Variants in INTS7 observed in about 807,000 individuals in gnomAD.
INTS7 encodes chromosome 1 open reading frame 73.
A neutral mutation model predicts 109.2 loss-of-function variants in INTS7; 46 were observed. That is an observed-to-expected ratio of 0.42 (90% confidence interval 0.33 to 0.54). INTS7 has a LOEUF of 0.54. INTS7 is among the 20% of genes least tolerant of loss of function. The pLI is 0.07. For synonymous variants in INTS7, 412 were observed against 402.9 expected, an observed-to-expected ratio of 1.02 and a Z score of -0.27; for missense variants, 929 against 1,132.4, an observed-to-expected ratio of 0.82 and a Z score of 2.58.
intron 7 of INTS7, among the ~76,000 whole-genome samples, chr1:212,004,309 T>A (rs1665806796): frequency 6.6e-6 from 1 of 152,080 alleles, no homozygotes; most frequent in Admixed American, 6.6e-5. Flanking sequence ...ACCACTGCAC[T>A]CCAGCCTGGG....
At position 212,035,261 on chromosome 1, in the gene INTS7, G is replaced by A. The variant is rs1034939754; in HGVS notation, c.94+83C>T. On this transcript the variant is annotated intron_variant, in intron 1 of 19. Transcript: ENST00000366994. Reference sequence around the variant, plus strand: ...CGAAGACATGCGCATGCGCCTATCCGTCTTCTCCCAAAGCAACCACCACCT... The same window carrying A: ...CGAAGACATGCGCATGCGCCTATCCATCTTCTCCCAAAGCAACCACCACCT... 12 of 932,640 alleles carry A rather than the reference G, an allele frequency of 1.3e-5. No homozygotes were observed. The Admixed American group carries it at 1.6e-4, about 13-fold the overall frequency. 57.8% of individuals were successfully genotyped at this position (932,640 alleles called of 1,614,324 possible).
At chr1:211,947,793 T>C (rs1389853860) in intron 17 of INTS7, among the ~76,000 whole-genome samples, 2 of 152,110 alleles carry the variant, frequency 1.3e-5, no homozygotes, top group Admixed American at 6.6e-5. Flanking sequence ...TAGAGGGAAA[T>C]TGACATTGTG....
At chr1:211,972,965 T>A (rs1038252078) in intron 13 of INTS7, among the ~76,000 whole-genome samples, 2 of 152,220 alleles carry the variant, frequency 1.3e-5, no homozygotes, top group Non-Finnish European at 2.9e-5. Context: ...CTACTACTGC[T>A]ACTTCTCTTT....
chr1:212,015,710 T>TAAAAAAAAAAAAA, intron 4 of INTS7, among the ~76,000 whole-genome samples: 2 of 34,978 alleles, frequency 5.7e-5, no homozygotes, highest in Non-Finnish European at 9.8e-5. Flanking sequence ...CAATAAATAC[T>TAAAAAAAAAAAAA]AAAAAAAAAA....
chr1:212,033,911 C>A (rs1208920906), intron 1 of INTS7, among the ~76,000 whole-genome samples: 1 of 151,912 alleles, frequency 6.6e-6, no homozygotes, highest in Non-Finnish European at 1.5e-5. Context: ...GGTGAAACCC[C>A]GTCTATACTA....
intron 1 of INTS7, among the ~76,000 whole-genome samples, chr1:212,032,633 C>A (rs535608090): frequency 1.3e-5 from 2 of 152,034 alleles, no homozygotes; most frequent in Non-Finnish European, 2.9e-5. Context: ...CCCACCACCA[C>A]GCCTGGCTAA....
intron 7 of INTS7, among the ~76,000 whole-genome samples, chr1:212,005,072 G>A (rs952005890): frequency 6.6e-6 from 1 of 152,112 alleles, no homozygotes; most frequent in Non-Finnish European, 1.5e-5. Flanking sequence ...TGTGAACTGG[G>A]AGACAAACAG....
Position 212,026,686 on chromosome 1 carries a change from G to T in INTS7, c.95-5474C>A, listed in dbSNP as rs1300425445. On this transcript the variant is annotated intron_variant, in intron 1 of 19. Coordinates refer to ENST00000366994, the MANE Select transcript of INTS7 (RefSeq NM_015434.4). ...AGAAGGAACAGAGATGTGTGCTTACGTATATGTGTTGGCAAAGGGGTTGAA... is the reference window on the plus strand; with the variant it reads ...AGAAGGAACAGAGATGTGTGCTTACTTATATGTGTTGGCAAAGGGGTTGAA... Among the ~76,000 whole-genome samples, 2 of 152,170 alleles carry T rather than the reference G, an allele frequency of 1.3e-5. 1 individual carries two copies. Among genetic ancestry groups the T allele is most frequent in the Admixed American group, 1.3e-4 (2 of 15,286 alleles).
rs1463878210 is a variant in INTS7 at position 211,946,326 on chromosome 1, T to TA, written c.2415+280dup. ...GGTGAAACCCCATCTTTACCAAAAA[T>TA]AAAAAAATCAGCTGCGTGAGGTGGT... On this transcript the variant is annotated intron_variant, in intron 18 of 19. Transcript: ENST00000366994. The surrounding 1 kb of genome is among the most constrained non-coding windows in gnomAD (Gnocchi z 4.3). Among the ~76,000 whole-genome samples, 3 of 151,730 alleles carry TA rather than the reference T, an allele frequency of 2.0e-5. No homozygotes were observed. The highest frequency in any genetic ancestry group is 2.1e-4 in the South Asian group (1 of 4,802).
chr1:212,013,856 T>G (rs1466984053), intron 4 of INTS7, among the ~76,000 whole-genome samples: 1 of 152,204 alleles, frequency 6.6e-6, no homozygotes, highest in Non-Finnish European at 1.5e-5. Flanking sequence ...TTATACCATC[T>G]AGATTTGTGT....
Position 212,035,324 on chromosome 1 carries a change from C to T in INTS7, c.94+20G>A, listed in dbSNP as rs776498269. ...TCCCCCCACGCCTGTTTCACCCATT[C>T]AGCCCTCTCTTTCGAATACCTTTGT... On this transcript the variant is annotated intron_variant, in intron 1 of 19. Transcript: ENST00000366994. The T allele has an allele frequency of 6.5e-7, 1 of 1,542,834 alleles. No individual in the cohort carries two copies. Among genetic ancestry groups the T allele is most frequent in the South Asian group, 1.1e-5 (1 of 89,640 alleles).
At chr1:212,011,500 A>T (rs1666164446) in intron 4 of INTS7, 79 bp from the exon 5 acceptor site, 1 of 886,956 alleles carries the variant, frequency 1.1e-6, no homozygotes, top group Non-Finnish European at 1.8e-6. Context: ...AATAAAACAC[A>T]ATTAGCGCAG....
chr1:211,974,276 A>AAAATATAT (rs1553249481), intron 13 of INTS7, among the ~76,000 whole-genome samples: 7 of 92,408 alleles, frequency 7.6e-5, no homozygotes, highest in African/African-American at 2.5e-4. Context: ...AGAAAAAAAA[A>AAAATATAT]ATATATATAT....
In INTS7 at chr1:211,942,359, GAACTACTA is replaced by G. The variant is rs1239656521; in HGVS notation, c.2602-256_2602-249del. On this transcript the variant is annotated intron_variant, in intron 19 of 19. Transcript: ENST00000366994. This position sits in a 1 kb window ranked among gnomAD's most constrained non-coding sequence, Gnocchi z 4.2. ...AGACTACCTCCAGGGCCTACACTCT[GAACTACTA>G]AGTGATGCTCCTCACTCTACTTGAG... Among the ~76,000 whole-genome samples the G allele has an allele frequency of 6.6e-6, 1 of 152,140 alleles. No individual in the cohort carries two copies. Among genetic ancestry groups the G allele is most frequent in the African/African-American group, 2.4e-5 (1 of 41,428 alleles).
intron 12 of INTS7, 94 bp downstream of exon 12, chr1:211,976,488 T>C: frequency 8.6e-7 from 1 of 1,156,784 alleles, no homozygotes; most frequent in Non-Finnish European, 1.2e-6. Flanking sequence ...TCCATCTTTA[T>C]TTTTAGTTTT....
chr1:212,035,383 C>G lies in INTS7; in HGVS notation c.55G>C (p.Glu19Gln), dbSNP rs754648564. ...FLADAGYGEQ[E>Q]LDANSALMEL... ...ATAAGGGCAGAGTTGGCATCCAGTT[C>G]CTGTTCGCCATAGCCGGCATCTGCC... Residue 19 changes from glutamate (E) to glutamine (Q), a missense_variant, in exon 1 of 20, where the codon GAA becomes CAA. Glu to Gln is a conservative substitution (Grantham distance 29). This residue lies in a region of INTS7 where 142 missense variants were observed against 231.4 expected (regional missense o/e 0.61). Coordinates refer to ENST00000366994, the MANE Select transcript of INTS7 (RefSeq NM_015434.4). The G allele has an allele frequency of 1.2e-6, 2 of 1,613,830 alleles. No individual in the cohort carries two copies. The highest frequency in any genetic ancestry group is 1.1e-5 in the South Asian group (1 of 91,086).
intron 13 of INTS7, among the ~76,000 whole-genome samples, 171 bp from the exon 14 acceptor site, chr1:211,968,878 T>C (rs1264831906): frequency 6.6e-6 from 1 of 152,174 alleles, no homozygotes; most frequent in Non-Finnish European, 1.5e-5. Context: ...TGAAAAATAT[T>C]GTTATTAAAC....
In INTS7 at chr1:211,946,566, T is replaced by G; in HGVS notation, c.2415+41A>C. ...TACATAATCTTCAGAAGACACCTGGTTTTAAAACCTATATTAACCTTAGTA... is the reference window on the plus strand; with the variant it reads ...TACATAATCTTCAGAAGACACCTGGGTTTAAAACCTATATTAACCTTAGTA... On this transcript the variant is annotated intron_variant, in intron 18 of 19. Transcript: ENST00000366994. This position sits in a 1 kb window ranked among gnomAD's most constrained non-coding sequence, Gnocchi z 4.3. The G allele has an allele frequency of 1.7e-6, 2 of 1,202,384 alleles. No individual in the cohort carries two copies. Among genetic ancestry groups the G allele is most frequent in the Non-Finnish European group, 2.5e-6 (2 of 810,918 alleles). 74.5% of individuals were successfully genotyped at this position (1,202,384 alleles called of 1,614,324 possible). A position where few individuals can be genotyped will look rare whatever the true frequency, so the allele number is the denominator to read the frequency against.
At chr1:211,944,235 C>G (rs959030413) in intron 19 of INTS7, among the ~76,000 whole-genome samples, 1 of 152,108 alleles carries the variant, frequency 6.6e-6, no homozygotes. Context: ...TTTCCAACTT[C>G]TGACGTTTGA....
Sources: gnomAD v4.1 joint callset for allele counts (sites outside exome capture counted in the v4.1 genomes callset) on GRCh38, gnomAD v4.1.1 for gene constraint, gnomAD v4.1.1 regional missense constraint, Gnocchi (gnomAD v3.1) non-coding constraint, MANE v1.5 for transcripts, NCBI Gene and HGNC (gene_info 2026-07-23, HGNC 2026-07-21) for gene names.